SCARA3: variants seen among roughly 807,000 people sequenced by gnomAD.
SCARA3 encodes scavenger receptor class A member 3, also known as cellular stress response gene protein.
SCARA3 carries 39 observed loss-of-function variants against 47.0 expected under a neutral mutation model. The ratio of observed to expected loss-of-function variants is 0.83; its 90% CI spans 0.64 to 1.08. The LOEUF (loss-of-function observed/expected upper bound fraction) is 1.08. SCARA3 is among the 50% of genes least tolerant of loss of function. SCARA3 has a pLI of 0.00. For synonymous variants in SCARA3, 356 were observed against 334.1 expected (o/e 1.07, Z -0.71); for missense variants, 724 against 792.3 (o/e 0.91, Z 1.04).
At chr8:27,716,669 G>GTCA in the SCARA3 span, among the ~76,000 whole-genome samples, 1 of 152,188 alleles carries the variant, frequency 6.6e-6, no homozygotes, top group Non-Finnish European at 1.5e-5. Flanking sequence ...TCACTTTACA[G>GTCA]TCATCGTAGT....
chr8:27,671,683 T>G lies in SCARA3; in HGVS notation c.*332T>G, dbSNP rs998674386. On this transcript the variant is annotated 3_prime_UTR_variant, in exon 6 of 6. Coordinates refer to ENST00000301904, the MANE Select transcript of SCARA3 (RefSeq NM_016240.3). ...GCACACACACATGCACACATACACG[T>G]GCACACATACACAGGCACACATGCA... 189 of 1,072,494 alleles carry G rather than the reference T, an allele frequency of 1.8e-4. 1 individual carries two copies. Among genetic ancestry groups the G allele is most frequent in the Non-Finnish European group, 2.0e-4 (173 of 881,956 alleles). 66.4% of individuals were successfully genotyped at this position (1,072,494 alleles called of 1,614,324 possible).
intron 1 of SCARA3, among the ~76,000 whole-genome samples, chr8:27,642,029 A>G (rs1365671129): frequency 6.6e-6 from 1 of 152,232 alleles, no homozygotes; most frequent in East Asian, 1.9e-4. Context: ...CGTGGAGTTA[A>G]ACACAGATTT....
At chr8:27,712,649 C>T in the SCARA3 span, among the ~76,000 whole-genome samples, 4 of 151,620 alleles carry the variant, frequency 2.6e-5, no homozygotes, top group Non-Finnish European at 5.9e-5. Context: ...TTCTTCTGTC[C>T]GGATGTACCA....
At chr8:27,689,820 T>A in the SCARA3 span, among the ~76,000 whole-genome samples, 2 of 152,114 alleles carry the variant, frequency 1.3e-5, no homozygotes, top group African/African-American at 4.8e-5. Context: ...TATGTATTTA[T>A]CATGAGCACA....
the SCARA3 span, among the ~76,000 whole-genome samples, chr8:27,696,450 T>C: frequency 2.0e-5 from 3 of 151,976 alleles, no homozygotes; most frequent in African/African-American, 7.2e-5. Context: ...TTGTTTTGTT[T>C]TGTTTTGCTT....
In SCARA3 at chr8:27,651,622, C is replaced by T. The variant is rs1384269182; in HGVS notation, c.221C>T (p.Ser74Phe). ...LLLVAVAVLASLVFRKVDSLS... is the reference protein window; with the variant it reads ...LLLVAVAVLAFLVFRKVDSLS... ...CTGGTGGCCGTGGCTGTGTTGGCCTCTCTGGGTGAGTCCGGGGCTTTCCCA... is the reference window on the plus strand; with the variant it reads ...CTGGTGGCCGTGGCTGTGTTGGCCTTTCTGGGTGAGTCCGGGGCTTTCCCA... Residue 74 changes from serine to phenylalanine, a missense_variant, in exon 3 of 6, where the codon TCT becomes TTT. Transcript: ENST00000301904. The T allele has an allele frequency of 1.2e-6, 2 of 1,614,036 alleles. No individual in the cohort carries two copies. Among genetic ancestry groups the T allele is most frequent in the Non-Finnish European group, 1.7e-6 (2 of 1,179,986 alleles).
chr8:27,659,000 A>G lies in SCARA3; in HGVS notation c.830A>G (p.Lys277Arg). The G allele has an allele frequency of 4.3e-6, 7 of 1,614,096 alleles. No homozygotes were observed. The highest frequency in any genetic ancestry group is 5.1e-6 in the Non-Finnish European group (6 of 1,179,996). Residue 277 changes from lysine to arginine, a missense_variant, in exon 5 of 6, where the codon AAG becomes AGG. By Grantham distance (26) the Lys-to-Arg change is conservative. Coordinates refer to ENST00000301904, the MANE Select transcript of SCARA3 (RefSeq NM_016240.3). ...TCCACCAAGACTGGAGAGGCGGTCA[A>G]GAACATCCAGGCCACCCTGGGGGCC... ...TTSTKTGEAVKNIQATLGASS... is the reference protein window; with the variant it reads ...TTSTKTGEAVRNIQATLGASS...
intron 1 of SCARA3, among the ~76,000 whole-genome samples, chr8:27,648,827 AGGAG>A (rs1307675799): frequency 6.0e-5 from 9 of 148,812 alleles, no homozygotes; most frequent in East Asian, 2.1e-4. Flanking sequence ...AAAGAGAGAA[AGGAG>A]GGAGGGAGGG....
the SCARA3 span, among the ~76,000 whole-genome samples, chr8:27,732,753 G>T: frequency 2.0e-5 from 3 of 152,196 alleles, no homozygotes; most frequent in Non-Finnish European, 4.4e-5. Flanking sequence ...GTATTGCCCT[G>T]ACTAGAAATG....
At chr8:27,679,456 G>A (rs533792583), downstream of SCARA3, among the ~76,000 whole-genome samples, 1 of 152,198 alleles carries the variant, frequency 6.6e-6, no homozygotes, top group South Asian at 2.1e-4. Flanking sequence ...AAATATTAAT[G>A]CAAGGTAGGC....
chr8:27,665,009 A>G (rs1399874008), intron 5 of SCARA3, among the ~76,000 whole-genome samples: 1 of 152,190 alleles, frequency 6.6e-6, no homozygotes, highest in Non-Finnish European at 1.5e-5. Flanking sequence ...TCACTCATTC[A>G]TTCATCCAGA....
the SCARA3 span, among the ~76,000 whole-genome samples, chr8:27,723,720 T>C: frequency 6.6e-6 from 1 of 152,130 alleles, no homozygotes; most frequent in African/African-American, 2.4e-5. Context: ...AGACTAGGTA[T>C]CAAAAAGTGC....
At chr8:27,708,707 T>A in the SCARA3 span, among the ~76,000 whole-genome samples, 1 of 152,184 alleles carries the variant, frequency 6.6e-6, no homozygotes, top group African/African-American at 2.4e-5. Flanking sequence ...AATTTTTATT[T>A]TACATTCAGG....
the SCARA3 span, among the ~76,000 whole-genome samples, chr8:27,718,435 G>A: frequency 1.3e-5 from 2 of 152,208 alleles, no homozygotes; most frequent in African/African-American, 2.4e-5. Flanking sequence ...GACCCTTCCT[G>A]GGCAAAGAAT....
the SCARA3 span, among the ~76,000 whole-genome samples, chr8:27,721,521 T>C: frequency 6.6e-6 from 1 of 152,226 alleles, no homozygotes; most frequent in Non-Finnish European, 1.5e-5. Context: ...GATTGGTTTA[T>C]TGTCCATGAA....
intron 1 of SCARA3, among the ~76,000 whole-genome samples, chr8:27,644,703 T>G (rs1801455539): frequency 6.6e-6 from 1 of 152,068 alleles, no homozygotes; most frequent in South Asian, 2.1e-4. Flanking sequence ...GGAGTCTCTC[T>G]CTAGACACCT....
chr8:27,638,816 A>T (rs1429860796), intron 1 of SCARA3, among the ~76,000 whole-genome samples: 2 of 152,198 alleles, frequency 1.3e-5, no homozygotes, highest in Non-Finnish European at 2.9e-5. Context: ...AAGTGTCTTA[A>T]GGGAGTTCCC....
At chr8:27,723,543 C>A in the SCARA3 span, among the ~76,000 whole-genome samples, 6 of 152,026 alleles carry the variant, frequency 3.9e-5, no homozygotes, top group Non-Finnish European at 8.8e-5. Context: ...GGAAGCCAAT[C>A]ATTAAGAGCT....
chr8:27,646,894 T>C (rs1320243149), intron 1 of SCARA3, among the ~76,000 whole-genome samples: 3 of 146,130 alleles, frequency 2.1e-5, no homozygotes, highest in African/African-American at 7.6e-5. Flanking sequence ...AGGATATGCA[T>C]GAAAACAAAC....
Sources: allele counts gnomAD v4.1 joint callset (sites outside exome capture counted in the v4.1 genomes callset), GRCh38; gene constraint gnomAD v4.1.1; transcripts MANE v1.5; gene names NCBI Gene and HGNC (gene_info 2026-07-23, HGNC 2026-07-21).